NMNAT2: variants seen among roughly 807,000 people sequenced by gnomAD.
NMNAT2 encodes nicotinamide/nicotinic acid mononucleotide adenylyltransferase 2.
In NMNAT2, 11 loss-of-function variants were observed where a neutral mutation model predicts 41.6. That is an observed-to-expected ratio of 0.26 (90% CI 0.17 to 0.44). The LOEUF (loss-of-function observed/expected upper bound fraction) is 0.44. Ranked by LOEUF, NMNAT2 falls within the 20% of genes least tolerant of loss-of-function variation. The pLI, the probability that NMNAT2 is intolerant of heterozygous loss-of-function variation, is 1.00. For synonymous variants in NMNAT2, 148 were observed against 151.2 expected (o/e 0.98, Z 0.16); for missense variants, 288 against 407.7 (o/e 0.71, Z 2.53).
intron 1 of NMNAT2, chr1:183,304,865 A>G (rs200300252): frequency 1.3e-6 from 2 of 1,547,740 alleles, no homozygotes; most frequent in Middle Eastern, 1.7e-4. Flanking sequence ...CCAGCTTGGG[A>G]GAATTTGAAT....
At chr1:183,409,295 A>G (rs1181948937) in intron 1 of NMNAT2, among the ~76,000 whole-genome samples, 1 of 152,288 alleles carries the variant, frequency 6.6e-6, no homozygotes, top group Non-Finnish European at 1.5e-5. Context: ...AATAATTTCA[A>G]TAGTCATGGA....
At chr1:183,412,337 C>A (rs1179544754) in intron 1 of NMNAT2, among the ~76,000 whole-genome samples, 1 of 152,246 alleles carries the variant, frequency 6.6e-6, no homozygotes, top group Non-Finnish European at 1.5e-5. Flanking sequence ...GATTCTCCTG[C>A]CTCAGCCTCC....
At position 183,290,210 on chromosome 1, in the gene NMNAT2, A is replaced by G; in HGVS notation, c.243-4T>C. 1 of 1,571,006 alleles carries G rather than the reference A, an allele frequency of 6.4e-7. No individual in the cohort carries two copies. Among genetic ancestry groups the G allele is most frequent in the Non-Finnish European group, 8.7e-7 (1 of 1,155,542 alleles). ...GTAGCACTCCCAAGGGTCCACCCTA[A>G]CATCATCGGAAAGAAGTTTCCCTTG... On this transcript the variant is annotated splice_region_variant and splice_polypyrimidine_tract_variant and intron_variant, in intron 3 of 10. Transcript: ENST00000287713.
At chr1:183,272,772 C>CA (rs1344154435) in intron 8 of NMNAT2, among the ~76,000 whole-genome samples, 1 of 152,244 alleles carries the variant, frequency 6.6e-6, no homozygotes, top group Non-Finnish European at 1.5e-5. Flanking sequence ...GGCTGCTCCA[C>CA]AGCCCCTTCA....
At chr1:183,363,445 A>G (rs1663346202) in intron 1 of NMNAT2, among the ~76,000 whole-genome samples, 1 of 152,130 alleles carries the variant, frequency 6.6e-6, no homozygotes, top group African/African-American at 2.4e-5. Context: ...GATTTTAGAC[A>G]TGTTTTCCCT....
intron 1 of NMNAT2, among the ~76,000 whole-genome samples, chr1:183,313,963 T>C (rs551452): frequency 0.72 from 109,847 of 152,022 alleles, 39,885 homozygotes; most frequent in East Asian, 0.92. Context: ...GATAGGTGTG[T>C]GGCCACTGAG....
At position 183,251,932 on chromosome 1, in the gene NMNAT2, CGT is replaced by C. The variant is rs145546780; in HGVS notation, c.*707_*708del. ...GTGCGCGGGTGCACACGCATGTGTG[CGT>C]GTGTGTGTGTGTGCGTGTGTGTGGT... On this transcript the variant is annotated 3_prime_UTR_variant, in exon 11 of 11. Coordinates refer to ENST00000287713, the MANE Select transcript of NMNAT2 (RefSeq NM_015039.4). The C allele has an allele frequency of 6.5e-4, 101 of 155,208 alleles. No homozygotes were observed. Among genetic ancestry groups the C allele is most frequent in the South Asian group, 2.6e-3 (14 of 5,482 alleles). The allele number at this position is 155,208 out of a possible 1,614,324, so 9.6% of individuals were successfully genotyped here.
intron 1 of NMNAT2, among the ~76,000 whole-genome samples, chr1:183,398,668 A>T (rs923659319): frequency 6.6e-5 from 10 of 152,094 alleles, no homozygotes; most frequent in African/African-American, 2.4e-4. Context: ...GAAGTAAAGC[A>T]CTCCTCAGCA....
intron 7 of NMNAT2, among the ~76,000 whole-genome samples, chr1:183,280,355 G>C (rs1384967793): frequency 1.3e-5 from 2 of 152,126 alleles, no homozygotes; most frequent in Non-Finnish European, 2.9e-5. Context: ...GGGTGGCTTT[G>C]AATGCAGTCT....
At position 183,252,677 on chromosome 1, in the gene NMNAT2, G is replaced by A; in HGVS notation, c.888C>T (p.Ile296=). ...CATTGATGTACAGCTGGCTTTTGAG[G>A]ATGTAGTCGATGACCGGCTGGGACA... ...DYLSQPVIDY[I]LKSQLYINAS... The change falls in exon 11 of 11, where the codon ATC becomes ATT. Residue 296 remains isoleucine (I), a synonymous_variant. Transcript: ENST00000287713. The A allele has an allele frequency of 6.2e-7, 1 of 1,614,138 alleles. No individual in the cohort carries two copies. Among genetic ancestry groups the A allele is most frequent in the Non-Finnish European group, 8.5e-7 (1 of 1,179,966 alleles).
intron 6 of NMNAT2, among the ~76,000 whole-genome samples, chr1:183,284,262 C>T (rs918246854): frequency 6.6e-6 from 1 of 152,202 alleles, no homozygotes; most frequent in African/African-American, 2.4e-5. Flanking sequence ...ATTGCTGGGA[C>T]TTTCAGAATG....
chr1:183,299,048 C>T (rs1001964845), intron 1 of NMNAT2, among the ~76,000 whole-genome samples: 3 of 152,088 alleles, frequency 2.0e-5, no homozygotes, highest in African/African-American at 7.2e-5. Flanking sequence ...TGTGGTACAC[C>T]CATACCATGG....
chr1:183,329,022 A>G (rs1489209065), intron 1 of NMNAT2, among the ~76,000 whole-genome samples: 1 of 152,276 alleles, frequency 6.6e-6, no homozygotes, highest in Non-Finnish European at 1.5e-5. Context: ...GTCGGTAGAA[A>G]TAGCAAACAA....
chr1:183,405,531 C>T (rs932267980), intron 1 of NMNAT2, among the ~76,000 whole-genome samples: 3 of 152,142 alleles, frequency 2.0e-5, no homozygotes, highest in Non-Finnish European at 4.4e-5. Flanking sequence ...GTCATCATTG[C>T]AGGGAACAAG....
intron 8 of NMNAT2, among the ~76,000 whole-genome samples, chr1:183,270,761 A>G (rs1660964818): frequency 6.6e-6 from 1 of 152,198 alleles, no homozygotes; most frequent in African/African-American, 2.4e-5. Context: ...ATCGTTTGGT[A>G]TCAGTCGTAT....
chr1:183,321,094 T>C (rs1026632446), intron 1 of NMNAT2, among the ~76,000 whole-genome samples: 15 of 152,210 alleles, frequency 9.9e-5, no homozygotes, highest in Non-Finnish European at 2.2e-4. Context: ...TTAGGGGCAG[T>C]TGCAATTCGA....
intron 1 of NMNAT2, among the ~76,000 whole-genome samples, chr1:183,323,146 G>T (rs1662387315): frequency 2.0e-5 from 3 of 152,126 alleles, no homozygotes; most frequent in Admixed American, 2.0e-4. Context: ...TGGCCAGGCT[G>T]GTCTCGAACT....
chr1:183,316,575 C>G (rs987057165), intron 1 of NMNAT2, among the ~76,000 whole-genome samples: 8 of 152,186 alleles, frequency 5.3e-5, no homozygotes, highest in African/African-American at 1.9e-4. Flanking sequence ...CGCCAGCCCC[C>G]CACCAGGCAC....
chr1:183,304,283 G>A (rs1418171976), intron 1 of NMNAT2, among the ~76,000 whole-genome samples: 1 of 152,188 alleles, frequency 6.6e-6, no homozygotes, highest in Admixed American at 6.5e-5. Flanking sequence ...AGAGCAATAT[G>A]CCAGAAAGAA....
Sources: gnomAD v4.1 joint callset for allele counts (sites outside exome capture counted in the v4.1 genomes callset) on GRCh38, gnomAD v4.1.1 for gene constraint, MANE v1.5 for transcripts, NCBI Gene and HGNC (gene_info 2026-07-23, HGNC 2026-07-21) for gene names.